The following RAB40C variants were observed in gnomAD, a reference collection of about 807,000 sequenced individuals.
RAB40C encodes the protein ras-related protein Rab-40C.
Under a neutral mutation model 28.1 loss-of-function variants are expected in RAB40C, and 8 were observed. The observed-to-expected ratio is 0.28, with a 90% CI of 0.17 to 0.51. RAB40C has a LOEUF of 0.51. Ranked by LOEUF, RAB40C falls within the 20% of genes least tolerant of loss-of-function variation. The pLI, the probability that RAB40C is intolerant of heterozygous loss-of-function variation, is 0.97. For synonymous variants in RAB40C, 201 were observed against 171.7 expected (o/e 1.17, Z -1.34); for missense variants, 288 against 405.9 (o/e 0.71, Z 2.50).
At chr16:590,050 C>T, upstream of RAB40C, 1 of 131,932 alleles carries the variant, frequency 7.6e-6, no homozygotes, top group Non-Finnish European at 1.6e-5. Context: ...ATGGCGGCGG[C>T]GCGGCCGGGG....
chr16:591,708 C>T (rs1275390697), intron 1 of RAB40C, among the ~76,000 whole-genome samples: 2 of 151,880 alleles, frequency 1.3e-5, no homozygotes, highest in African/African-American at 4.8e-5. Context: ...TCCCCTGTCT[C>T]AGCCTCCCGA....
intron 1 of RAB40C, among the ~76,000 whole-genome samples, chr16:607,093 C>A (rs548353890): frequency 6.6e-6 from 1 of 152,226 alleles, no homozygotes; most frequent in Non-Finnish European, 1.5e-5. Context: ...CAGCCTCCCT[C>A]GGCTGCCTTA....
At chr16:607,946 T>A (rs2036398238) in intron 1 of RAB40C, among the ~76,000 whole-genome samples, 1 of 152,104 alleles carries the variant, frequency 6.6e-6, no homozygotes, top group Admixed American at 6.6e-5. Flanking sequence ...ATTGATGCTG[T>A]GAGACCCCCT....
At chr16:609,122 AAAAAT>A (rs1197703173) in intron 1 of RAB40C, among the ~76,000 whole-genome samples, 1 of 152,146 alleles carries the variant, frequency 6.6e-6, no homozygotes, top group African/African-American at 2.4e-5. Flanking sequence ...CTCAAAAAAT[AAAAAT>A]AAAAACGTGG....
At position 610,887 on chromosome 16, in the gene RAB40C, G is replaced by A. The variant is rs1244178953; in HGVS notation, c.143-6321G>A. Among the ~76,000 whole-genome samples the A allele has an allele frequency of 6.6e-6, 1 of 152,188 alleles. No individual in the cohort carries two copies. Among genetic ancestry groups the A allele is most frequent in the South Asian group, 2.1e-4 (1 of 4,830 alleles). On this transcript the variant is annotated intron_variant, in intron 1 of 5. Transcript: ENST00000248139. This position sits in a 1 kb window ranked among gnomAD's most constrained non-coding sequence, Gnocchi z 4.6. ...GAGTGACATCCTGGGGCCCTGTGTG[G>A]TCAGAGGGCTCCATGTGGTCAGTGG... is the stretch of plus-strand genomic sequence containing the variant.
At chr16:596,571 A>G (rs4984673) in intron 1 of RAB40C, 80,377 of 325,206 alleles carry the variant, frequency 0.25, 11,806 homozygotes, top group East Asian at 0.58. Context: ...TGGTGCGGAG[A>G]ACGCTGCCGA....
intron 1 of RAB40C, among the ~76,000 whole-genome samples, chr16:604,311 C>T (rs182265558): frequency 1.3e-5 from 2 of 152,260 alleles, no homozygotes; most frequent in East Asian, 1.9e-4. Context: ...GGATACAGTT[C>T]AGTGGCACTA....
At chr16:607,324 C>T (rs967406824) in intron 1 of RAB40C, among the ~76,000 whole-genome samples, 64 of 151,760 alleles carry the variant, frequency 4.2e-4, no homozygotes, top group Non-Finnish European at 2.9e-4. Flanking sequence ...TGGTGAAACC[C>T]CATCTCTACT....
chr16:621,399 C>T (rs2036713672), intron 3 of RAB40C, among the ~76,000 whole-genome samples: 1 of 152,080 alleles, frequency 6.6e-6, no homozygotes, highest in Non-Finnish European at 1.5e-5. Context: ...GGATTTGTCA[C>T]TCTGCCTCCC....
intron 1 of RAB40C, among the ~76,000 whole-genome samples, chr16:605,487 C>T (rs1015614775): frequency 2.0e-5 from 3 of 152,232 alleles, no homozygotes; most frequent in African/African-American, 4.8e-5. Context: ...TCACACTCTG[C>T]CCCCGGCCTG....
chr16:596,505 G>T, intron 1 of RAB40C: 1 of 340,298 alleles, frequency 2.9e-6, no homozygotes, highest in Non-Finnish European at 5.8e-6. Flanking sequence ...GTCAGCCAGG[G>T]TGTCATCCGC....
At chr16:603,637 A>G (rs1206337529) in intron 1 of RAB40C, among the ~76,000 whole-genome samples, 1 of 152,136 alleles carries the variant, frequency 6.6e-6, no homozygotes, top group African/African-American at 2.4e-5. Context: ...GATGATGTCT[A>G]TTTAATAAAT....
chr16:623,136 C>G (rs907382263), intron 3 of RAB40C, among the ~76,000 whole-genome samples: 3 of 152,324 alleles, frequency 2.0e-5, no homozygotes, highest in Admixed American at 2.0e-4. Context: ...GCCAGGGCCC[C>G]CCGCGTCACA....
intron 5 of RAB40C, 149 bp downstream of exon 5, chr16:626,270 G>A (rs1047489887): frequency 1.6e-5 from 12 of 761,062 alleles, no homozygotes; most frequent in Non-Finnish European, 2.6e-5. Flanking sequence ...CGGCAGGTCA[G>A]TGACTTGGTA....
intron 1 of RAB40C, among the ~76,000 whole-genome samples, chr16:605,542 A>G (rs577525582): frequency 1.3e-5 from 2 of 152,320 alleles, no homozygotes; most frequent in South Asian, 2.1e-4. Context: ...TTTCACGTCA[A>G]TGGAGCCACA....
At chr16:622,901 T>G (rs2036751131) in intron 3 of RAB40C, among the ~76,000 whole-genome samples, 1 of 152,190 alleles carries the variant, frequency 6.6e-6, no homozygotes, top group South Asian at 2.1e-4. Flanking sequence ...GACACGCAGC[T>G]GAGGGTGCTT....
At chr16:625,003 T>A in intron 3 of RAB40C, 2 of 1,289,962 alleles carry the variant, frequency 1.6e-6, no homozygotes, top group Non-Finnish European at 1.0e-6. Flanking sequence ...TCTGCAAGTT[T>A]TAGGTTGGAA....
At chr16:624,203 T>TGCGGGAGGTTGCCAC in intron 3 of RAB40C, 1 of 985,306 alleles carries the variant, frequency 1.0e-6, no homozygotes, top group Non-Finnish European at 1.2e-6. Flanking sequence ...GAGGTTGCCA[T>TGCGGGAGGTTGCCAC]GCGGGAGGTT....
In RAB40C at chr16:626,136, G is replaced by A. The variant is rs775652595; in HGVS notation, c.565+15G>A. 1.3e-5 allele frequency: 21 copies of A among 1,603,306 alleles called. 1 individual carries two copies. The highest frequency in any genetic ancestry group is 1.7e-5 in the Admixed American group (1 of 59,972). Reference sequence around the variant, plus strand: ...GCCCAACCGAGGTGGGTGGGCGGGCGCCGGCCAGCCCTGAGGTCCCCGAAC... The same window carrying A: ...GCCCAACCGAGGTGGGTGGGCGGGCACCGGCCAGCCCTGAGGTCCCCGAAC... On this transcript the variant is annotated intron_variant, in intron 5 of 5. Transcript: ENST00000248139.
Sources: gnomAD v4.1 joint callset for allele counts (sites outside exome capture counted in the v4.1 genomes callset) on GRCh38, gnomAD v4.1.1 for gene constraint, Gnocchi (gnomAD v3.1) non-coding constraint, MANE v1.5 for transcripts, NCBI Gene and HGNC (gene_info 2026-07-23, HGNC 2026-07-21) for gene names.